The following RTN3 variants were observed in gnomAD, a reference collection of about 807,000 sequenced individuals.
RTN3 encodes the protein reticulon 3.
In RTN3, 49 loss-of-function variants were observed where a neutral mutation model predicts 77.8. The observed-to-expected ratio is 0.63, with a 90% CI of 0.50 to 0.80. The LOEUF is 0.80. RTN3 is among the 30% of genes least tolerant of loss of function. The pLI, the probability that RTN3 is intolerant of heterozygous loss-of-function variation, is 0.00. For missense variants in RTN3, 1,236 were observed against 1,211.9 expected (o/e 1.02, Z -0.29); for synonymous variants, 464 against 446.9 (o/e 1.04, Z -0.48).
intron 7 of RTN3, among the ~76,000 whole-genome samples, chr11:63,755,250 C>G (rs933380126): frequency 6.6e-6 from 1 of 152,080 alleles, no homozygotes; most frequent in African/African-American, 2.4e-5. Context: ...AAAATACTTA[C>G]CAAGTAAGAC....
At chr11:63,733,160 CA>C (rs58564500) in intron 3 of RTN3, among the ~76,000 whole-genome samples, 83 of 136,624 alleles carry the variant, frequency 6.1e-4, no homozygotes, top group Admixed American at 7.4e-4. Flanking sequence ...ACTAAAAATA[CA>C]AAAAAAAAAA....
chr11:63,758,432 A>G lies in RTN3; in HGVS notation c.*231A>G. On this transcript the variant is annotated 3_prime_UTR_variant, in exon 9 of 9. Coordinates refer to ENST00000377819, the MANE Select transcript of RTN3 (RefSeq NM_001265589.2). ...AGAACTCAGAAGAAGAAAGAATCAAATTCATAGGATAAGTCAATACCTTAA... is the reference window on the plus strand; with the variant it reads ...AGAACTCAGAAGAAGAAAGAATCAAGTTCATAGGATAAGTCAATACCTTAA... The G allele has an allele frequency of 8.2e-7, 1 of 1,224,900 alleles. No individual in the cohort carries two copies. The allele number at this position is 1,224,900 out of a possible 1,614,324, so 75.9% of individuals were successfully genotyped here.
intron 1 of RTN3, among the ~76,000 whole-genome samples, chr11:63,682,079 A>T (rs1941087370): frequency 6.6e-6 from 1 of 152,150 alleles, no homozygotes; most frequent in African/African-American, 2.4e-5. Flanking sequence ...TAAAATGGAG[A>T]GTTGCTCGAT....
At chr11:63,701,338 C>T (rs987569501) in intron 1 of RTN3, among the ~76,000 whole-genome samples, 2 of 152,068 alleles carry the variant, frequency 1.3e-5, no homozygotes, top group Admixed American at 6.6e-5. Context: ...TTTAAGGTTC[C>T]TTCATGTCTT....
intron 1 of RTN3, among the ~76,000 whole-genome samples, chr11:63,689,038 A>G (rs753484609): frequency 6.6e-5 from 10 of 152,166 alleles, no homozygotes; most frequent in African/African-American, 9.7e-5. Context: ...ATAAATGTGC[A>G]TATTTGTTGT....
chr11:63,747,195 C>T (rs1467674193), intron 3 of RTN3, among the ~76,000 whole-genome samples: 1 of 152,228 alleles, frequency 6.6e-6, no homozygotes, highest in African/African-American at 2.4e-5. Context: ...TTTCTCAGTG[C>T]ATGCACTATG....
At chr11:63,757,120 C>T (rs2014416020) in intron 8 of RTN3, among the ~76,000 whole-genome samples, 1 of 152,188 alleles carries the variant, frequency 6.6e-6, no homozygotes, top group Admixed American at 6.5e-5. Context: ...CCAAACGTAT[C>T]CCTCTCAGAA....
intron 7 of RTN3, among the ~76,000 whole-genome samples, chr11:63,755,384 G>A (rs1225706159): frequency 6.6e-6 from 1 of 152,134 alleles, no homozygotes; most frequent in African/African-American, 2.4e-5. Context: ...GGTGGCTCAT[G>A]TCTGTAATCC....
Position 63,758,401 on chromosome 11 carries a change from T to G in RTN3, c.*200T>G. On this transcript the variant is annotated 3_prime_UTR_variant, in exon 9 of 9. Transcript: ENST00000377819. ...AAAATTGATGGACTGATAAAAGAAC[T>G]ATCTTAGAACTCAGAAGAAGAAAGA... 1 of 1,463,242 alleles carries G rather than the reference T, an allele frequency of 6.8e-7. No homozygotes were observed. Among genetic ancestry groups the G allele is most frequent in the Non-Finnish European group, 9.4e-7 (1 of 1,068,810 alleles). 90.6% of individuals were successfully genotyped at this position (1,463,242 alleles called of 1,614,324 possible).
chr11:63,751,422 C>T lies in RTN3; in HGVS notation c.2739-1085C>T, dbSNP rs145111562. Among the ~76,000 whole-genome samples the T allele has an allele frequency of 1.0e-3, 152 of 152,332 alleles. No individual in the cohort carries two copies. The South Asian group carries it at 0.01, about 10-fold the overall frequency. On this transcript the variant is annotated intron_variant, in intron 4 of 8. Transcript: ENST00000377819. The stretch of plus-strand genomic sequence containing the variant: ...AATGAAGTCAGTAATCTTCTGACTA[C>T]ATTTCTAGTATACAATTTCTAGCTT...
intron 1 of RTN3, among the ~76,000 whole-genome samples, chr11:63,684,881 T>C (rs1941283647): frequency 6.6e-6 from 1 of 151,954 alleles, no homozygotes; most frequent in South Asian, 2.1e-4. Flanking sequence ...CACCTTAGCC[T>C]CCTGAGTAGG....
At chr11:63,726,580 G>A (rs191152046) in intron 3 of RTN3, among the ~76,000 whole-genome samples, 1 of 152,134 alleles carries the variant, frequency 6.6e-6, no homozygotes, top group East Asian at 1.9e-4. Flanking sequence ...GAAGTGAACT[G>A]GGCCGGGTGC....
At chr11:63,704,791 G>A (rs1942417245) in intron 1 of RTN3, 60 bp from the exon 2 acceptor site, 2 of 1,267,114 alleles carry the variant, frequency 1.6e-6, no homozygotes, top group Non-Finnish European at 2.3e-6. Context: ...CAAAAAGAAA[G>A]TTAAAGTTAA....
At chr11:63,731,722 G>A (rs2012705753) in intron 3 of RTN3, among the ~76,000 whole-genome samples, 1 of 151,620 alleles carries the variant, frequency 6.6e-6, no homozygotes, top group Admixed American at 6.6e-5. Flanking sequence ...GCACAATCCC[G>A]GCTCACTGCA....
At position 63,758,139 on chromosome 11, in the gene RTN3, C is replaced by G. The variant is rs776320467; in HGVS notation, c.3054-17C>G. ...ATGTTTTCACTTTCTTTCTTTTTCC[C>G]CTCCTTTTCTCAATAGGATCCAAGC... On this transcript the variant is annotated splice_polypyrimidine_tract_variant and intron_variant, in intron 8 of 8. Transcript: ENST00000377819. 2 of 1,525,086 alleles carry G rather than the reference C, an allele frequency of 1.3e-6. No individual in the cohort carries two copies. The highest frequency in any genetic ancestry group is 1.8e-6 in the Non-Finnish European group (2 of 1,119,814). The allele number at this position is 1,525,086 out of a possible 1,614,324, so 94.5% of individuals were successfully genotyped here. A position where few individuals can be genotyped will look rare whatever the true frequency, so the allele number is the denominator to read the frequency against.
At chr11:63,754,218 A>G (rs2014247539) in intron 7 of RTN3, among the ~76,000 whole-genome samples, 1 of 152,176 alleles carries the variant, frequency 6.6e-6, no homozygotes, top group East Asian at 1.9e-4. Context: ...GTGAGCCGAG[A>G]TCATGTCATT....
intron 1 of RTN3, among the ~76,000 whole-genome samples, chr11:63,687,955 T>C (rs1941458191): frequency 6.6e-6 from 1 of 152,168 alleles, no homozygotes; most frequent in Admixed American, 6.6e-5. Context: ...ATTAATGTCA[T>C]AAAGCTGCCA....
chr11:63,724,964 GTT>G (rs1234985167), intron 3 of RTN3, among the ~76,000 whole-genome samples: 1 of 126,056 alleles, frequency 7.9e-6, no homozygotes. Context: ...TTAAAGTTTT[GTT>G]TTTTTTTTTT....
rs1436088702 is a variant in RTN3 at position 63,758,676 on chromosome 11, A to C, written c.*475A>C. The C allele has an allele frequency of 3.3e-6, 1 of 302,414 alleles. No individual in the cohort carries two copies. Among genetic ancestry groups the C allele is most frequent in the African/African-American group, 2.1e-5 (1 of 46,520 alleles). The allele number at this position is 302,414 out of a possible 1,614,324, so 18.7% of individuals were successfully genotyped here. On this transcript the variant is annotated 3_prime_UTR_variant, in exon 9 of 9. Coordinates refer to ENST00000377819, the MANE Select transcript of RTN3 (RefSeq NM_001265589.2). ...CTTGGTTTTTTTTTGCAGCCCTCAAATCCTATCTTCCTGCCCCACAATGTG... is the reference window on the plus strand; with the variant it reads ...CTTGGTTTTTTTTTGCAGCCCTCAACTCCTATCTTCCTGCCCCACAATGTG...
Sources: gnomAD v4.1 joint callset for allele counts (sites outside exome capture counted in the v4.1 genomes callset) on GRCh38, gnomAD v4.1.1 for gene constraint, MANE v1.5 for transcripts, NCBI Gene and HGNC (gene_info 2026-07-23, HGNC 2026-07-21) for gene names.